The following AKAP13 variants were observed in gnomAD, a reference collection of about 807,000 sequenced individuals.
AKAP13 encodes A-kinase anchoring protein 13, also known as A-kinase anchor protein 13.
In AKAP13, 80 loss-of-function variants were observed where a neutral mutation model predicts 264.5. The observed-to-expected ratio is 0.30, with a 90% CI of 0.25 to 0.36. The LOEUF (loss-of-function observed/expected upper bound fraction) is 0.36, where lower values mean the gene tolerates loss of function less well. AKAP13 is among the 10% of genes least tolerant of loss of function. The pLI is 1.00. For missense variants in AKAP13, 3,712 were observed against 3,435.2 expected (o/e 1.08, Z -2.01); for synonymous variants, 1,380 against 1,250.2 (o/e 1.10, Z -2.19).
At chr15:85,625,705 C>T (rs140724187) in intron 8 of AKAP13, among the ~76,000 whole-genome samples, 5 of 152,264 alleles carry the variant, frequency 3.3e-5, no homozygotes, top group East Asian at 3.9e-4. Context: ...GCTTAAAAAA[C>T]GAAGTTTCAG....
intron 8 of AKAP13, among the ~76,000 whole-genome samples, chr15:85,597,079 T>A (rs1317304185): frequency 1.3e-5 from 2 of 152,250 alleles, no homozygotes; most frequent in African/African-American, 4.8e-5. Context: ...AAACAGCATG[T>A]GATCAAAAAA....
intron 4 of AKAP13, among the ~76,000 whole-genome samples, chr15:85,540,491 A>C (rs1183934527): frequency 6.6e-6 from 1 of 152,210 alleles, no homozygotes; most frequent in East Asian, 1.9e-4. Context: ...AGCACAGTTA[A>C]TTCACACTGG....
chr15:85,392,937 A>G (rs1196127196), intron 1 of AKAP13, among the ~76,000 whole-genome samples: 1 of 152,206 alleles, frequency 6.6e-6, no homozygotes, highest in Non-Finnish European at 1.5e-5. Context: ...TTCCCAGGTG[A>G]TAGCTGTCCT....
At chr15:85,737,897 C>G (rs1040708380) in intron 33 of AKAP13, among the ~76,000 whole-genome samples, 2 of 152,044 alleles carry the variant, frequency 1.3e-5, no homozygotes, top group African/African-American at 2.4e-5. Context: ...CCTCAGCCTC[C>G]CAAAGTGCTG....
rs542222585 is a variant in AKAP13, at chr15:85,708,026, T to C, written c.5472T>C (p.Ser1824=). ...GGTTTGCTTTCTTTTCAGATTGCAG[T>C]GCTTTTGTCCACAAAGGCTGCCGAG... ...NKDAYTCANC[S]AFVHKGCRES... Residue 1824 remains serine (S), a synonymous_variant, in exon 18 of 37, where the codon AGT becomes AGC. Coordinates refer to ENST00000394518, the MANE Select transcript of AKAP13 (RefSeq NM_007200.5). This position sits in a 1 kb window ranked among gnomAD's most constrained non-coding sequence, Gnocchi z 4.3. The C allele has an allele frequency of 6.2e-7, 1 of 1,613,928 alleles. No homozygotes were observed. Among genetic ancestry groups the C allele is most frequent in the Non-Finnish European group, 8.5e-7 (1 of 1,179,838 alleles).
intron 8 of AKAP13, among the ~76,000 whole-genome samples, chr15:85,626,242 A>G (rs965215490): frequency 1.3e-5 from 2 of 152,206 alleles, no homozygotes; most frequent in African/African-American, 4.8e-5. Context: ...TCATTTCTTA[A>G]TTGTGATAAA....
At position 85,563,647 on chromosome 15, in the gene AKAP13, G is replaced by C. The variant is rs575024185; in HGVS notation, c.663-11484G>C. The stretch of plus-strand genomic sequence containing the variant: ...AAGCCAGCCCTTTCCACTTAAAGTA[G>C]TGCAGCATTATATAAGGGGGAGAGC... On this transcript the variant is annotated intron_variant, in intron 5 of 36. Transcript: ENST00000394518. Among the ~76,000 whole-genome samples the C allele has an allele frequency of 3.3e-5, 5 of 152,216 alleles. No individual in the cohort carries two copies. In the East Asian group the frequency reaches 9.6e-4, roughly 29 times the overall value.
intron 8 of AKAP13, among the ~76,000 whole-genome samples, chr15:85,596,045 C>G (rs1385804794): frequency 6.6e-6 from 1 of 152,188 alleles, no homozygotes; most frequent in African/African-American, 2.4e-5. Context: ...ACACCCAAAA[C>G]CCTATCACTG....
chr15:85,468,437 T>C (rs2074835382), intron 1 of AKAP13, among the ~76,000 whole-genome samples: 1 of 152,184 alleles, frequency 6.6e-6, no homozygotes, highest in African/African-American at 2.4e-5. Flanking sequence ...GGAAACAGAC[T>C]GAGATAAAAT....
chr15:85,487,622 G>T (rs1057430520), intron 2 of AKAP13, among the ~76,000 whole-genome samples: 9 of 152,142 alleles, frequency 5.9e-5, no homozygotes, highest in African/African-American at 1.9e-4. Context: ...CTGGAGTGCA[G>T]TGACATGATC....
intron 1 of AKAP13, among the ~76,000 whole-genome samples, chr15:85,478,809 C>T (rs1208032651): frequency 6.7e-6 from 1 of 149,206 alleles, no homozygotes; most frequent in Non-Finnish European, 1.5e-5. Flanking sequence ...CTAACTGTTC[C>T]GTATGAGAAT....
At chr15:85,441,110 GT>G (rs1323267968) in intron 1 of AKAP13, among the ~76,000 whole-genome samples, 3 of 152,150 alleles carry the variant, frequency 2.0e-5, no homozygotes, top group Non-Finnish European at 4.4e-5. Flanking sequence ...GGGTAACACT[GT>G]TTTCCAAAGT....
intron 1 of AKAP13, among the ~76,000 whole-genome samples, chr15:85,411,974 A>T (rs1024345273): frequency 6.6e-6 from 1 of 152,240 alleles, no homozygotes; most frequent in Non-Finnish European, 1.5e-5. Context: ...TTCAGTATTT[A>T]AAAGCTTTAT....
At chr15:85,462,898 C>T (rs1484003117) in intron 1 of AKAP13, among the ~76,000 whole-genome samples, 1 of 148,652 alleles carries the variant, frequency 6.7e-6, no homozygotes, top group Non-Finnish European at 1.5e-5. Flanking sequence ...GTGGCGGGCA[C>T]CTGTAGTCCC....
chr15:85,571,633 T>C (rs538689333), intron 5 of AKAP13, among the ~76,000 whole-genome samples: 6 of 152,374 alleles, frequency 3.9e-5, no homozygotes, highest in African/African-American at 7.2e-5. Context: ...TTAATCTCTG[T>C]AGCACTTGCT....
chr15:85,675,744 C>T (rs2084191448), intron 14 of AKAP13, among the ~76,000 whole-genome samples: 5 of 152,164 alleles, frequency 3.3e-5, no homozygotes. Flanking sequence ...CAGAAGGAAA[C>T]TGGGAATTAG....
At chr15:85,691,380 A>G (rs1442318766) in intron 16 of AKAP13, among the ~76,000 whole-genome samples, 2 of 152,158 alleles carry the variant, frequency 1.3e-5, no homozygotes, top group Non-Finnish European at 2.9e-5. Flanking sequence ...CTGGCCTCCT[A>G]AGGATGGTGT....
chr15:85,463,828 G>C (rs544558100), intron 1 of AKAP13, among the ~76,000 whole-genome samples: 53 of 151,792 alleles, frequency 3.5e-4, no homozygotes, highest in South Asian at 2.5e-3. Flanking sequence ...TTCCCCCTGG[G>C]TGATGTTGCT....
rs1182574928 is a variant in AKAP13, at chr15:85,510,785, G to A, written c.34-10643G>A. Among the ~76,000 whole-genome samples, 4 of 152,194 alleles carry A rather than the reference G, an allele frequency of 2.6e-5. No homozygotes were observed. The East Asian group carries it at 5.8e-4, about 22-fold the overall frequency. ...TATTTTAAATGGTGTGGAATTGAGT[G>A]TATCATGAATCTGGGAAGGGATCAT... On this transcript the variant is annotated intron_variant, in intron 2 of 36. Coordinates refer to ENST00000394518, the MANE Select transcript of AKAP13 (RefSeq NM_007200.5).
Sources: gnomAD v4.1 joint callset for allele counts (sites outside exome capture counted in the v4.1 genomes callset) on GRCh38, gnomAD v4.1.1 for gene constraint, Gnocchi (gnomAD v3.1) non-coding constraint, MANE v1.5 for transcripts, NCBI Gene and HGNC (gene_info 2026-07-23, HGNC 2026-07-21) for gene names.